The following SLC14A2 variants were observed in gnomAD, a reference collection of about 807,000 sequenced individuals.
The protein encoded by SLC14A2 is urea transporter 2.
In SLC14A2, 91 loss-of-function variants were observed where a neutral mutation model predicts 104.6. The observed-to-expected ratio is 0.87, with a 90% confidence interval of 0.73 to 1.04. The LOEUF is 1.04. SLC14A2 is among the 50% of genes least tolerant of loss of function. SLC14A2 has a pLI of 0.00. For missense variants in SLC14A2, 1,189 were observed against 1,156.0 expected, an observed-to-expected ratio of 1.03 and a Z score of -0.41; for synonymous variants, 476 against 466.4, an observed-to-expected ratio of 1.02 and a Z score of -0.27.
At chr18:45,210,833 A>G (rs142299140), upstream of SLC14A2, among the ~76,000 whole-genome samples, 416 of 152,326 alleles carry the variant, frequency 2.7e-3, 4 homozygotes, top group African/African-American at 9.5e-3. Flanking sequence ...GTGATATAGA[A>G]TATGGAATGT....
intron 1 of SLC14A2, among the ~76,000 whole-genome samples, chr18:45,455,938 T>C (rs2144625480): frequency 6.6e-6 from 1 of 152,258 alleles, no homozygotes; most frequent in African/African-American, 2.4e-5. Flanking sequence ...GTAAGGGGGC[T>C]TTGAGCACAC....
chr18:45,323,458 G>A (rs2085204416), intron 1 of SLC14A2, among the ~76,000 whole-genome samples: 1 of 152,204 alleles, frequency 6.6e-6, no homozygotes, highest in Admixed American at 6.5e-5. Context: ...ACAAAGGGAA[G>A]ACGAAAGAGA....
intron 10 of SLC14A2, among the ~76,000 whole-genome samples, chr18:45,659,390 C>A (rs1345685826): frequency 6.6e-6 from 1 of 152,208 alleles, no homozygotes; most frequent in Non-Finnish European, 1.5e-5. Flanking sequence ...ATAGAATGCC[C>A]AGCCTCACCT....
chr18:45,340,728 A>G (rs1424271177), intron 1 of SLC14A2, among the ~76,000 whole-genome samples: 1 of 152,214 alleles, frequency 6.6e-6, no homozygotes, highest in Non-Finnish European at 1.5e-5. Context: ...GTAACCACAA[A>G]CACTGTGTTT....
At chr18:45,350,407 C>A (rs1019380326) in intron 1 of SLC14A2, among the ~76,000 whole-genome samples, 3 of 152,170 alleles carry the variant, frequency 2.0e-5, no homozygotes, top group African/African-American at 7.2e-5. Context: ...AGGGACAGCA[C>A]GTTCATCACA....
intron 5 of SLC14A2, chr18:45,634,823 A>T (rs1479432880): frequency 4.4e-6 from 2 of 457,304 alleles, no homozygotes; most frequent in South Asian, 1.5e-5. Context: ...TGTTTGCAGG[A>T]TGGAGACGGA....
intron 1 of SLC14A2, among the ~76,000 whole-genome samples, chr18:45,289,730 G>T (rs1335193228): frequency 6.6e-6 from 1 of 152,186 alleles, no homozygotes; most frequent in Admixed American, 6.5e-5. Context: ...GAAAGGAGGT[G>T]GTGTCTGTTC....
intron 11 of SLC14A2, among the ~76,000 whole-genome samples, chr18:45,665,087 ATTTG>A (rs1253004894): frequency 6.6e-6 from 1 of 152,132 alleles, no homozygotes; most frequent in Non-Finnish European, 1.5e-5. Context: ...TTCAAAATGA[ATTTG>A]TTTGTCCTGA....
chr18:45,355,904 G>T (rs1242996660), intron 1 of SLC14A2, among the ~76,000 whole-genome samples: 1 of 152,138 alleles, frequency 6.6e-6, no homozygotes, highest in Non-Finnish European at 1.5e-5. Flanking sequence ...CTCAACCAAG[G>T]TATAAGGCAG....
intron 8 of SLC14A2, among the ~76,000 whole-genome samples, chr18:45,642,308 A>G (rs2045542409): frequency 6.6e-6 from 1 of 152,154 alleles, no homozygotes; most frequent in Non-Finnish European, 1.5e-5. Flanking sequence ...GGGCATGGAG[A>G]CAGTGGACCT....
At chr18:45,649,550 C>T (rs1442733839) in intron 10 of SLC14A2, among the ~76,000 whole-genome samples, 1 of 152,102 alleles carries the variant, frequency 6.6e-6, no homozygotes, top group Non-Finnish European at 1.5e-5. Flanking sequence ...TTACACTTTC[C>T]TCTCTTCTTC....
chr18:45,506,723 T>C (rs2043292556), intron 2 of SLC14A2, among the ~76,000 whole-genome samples: 1 of 152,204 alleles, frequency 6.6e-6, no homozygotes, highest in African/African-American at 2.4e-5. Flanking sequence ...AACACCTTAG[T>C]TGTGGATTTC....
intron 1 of SLC14A2, among the ~76,000 whole-genome samples, chr18:45,449,891 T>C (rs2086830798): frequency 6.6e-6 from 1 of 152,142 alleles, no homozygotes; most frequent in East Asian, 1.9e-4. Flanking sequence ...TCATGTGTGC[T>C]CCAGCCTCAT....
intron 1 of SLC14A2, among the ~76,000 whole-genome samples, chr18:45,316,206 A>C (rs1232120915): frequency 1.3e-5 from 2 of 152,176 alleles, no homozygotes; most frequent in Non-Finnish European, 2.9e-5. Context: ...GCAGCTTCAC[A>C]ATCTCTCAGC....
chr18:45,446,546 T>C (rs2086773237), intron 1 of SLC14A2, among the ~76,000 whole-genome samples: 1 of 152,212 alleles, frequency 6.6e-6, no homozygotes. Flanking sequence ...AGTCATCCAA[T>C]TGATGATATT....
At chr18:45,563,230 G>A (rs1237365060) in intron 2 of SLC14A2, among the ~76,000 whole-genome samples, 1 of 152,136 alleles carries the variant, frequency 6.6e-6, no homozygotes, top group Non-Finnish European at 1.5e-5. Flanking sequence ...GGCTCAGGAT[G>A]GGTGCCTTGT....
chr18:45,258,179 A>C (rs2084500266), intron 1 of SLC14A2, among the ~76,000 whole-genome samples: 1 of 102,828 alleles, frequency 9.7e-6, no homozygotes, highest in African/African-American at 4.7e-5. Flanking sequence ...ACTTTTGGAG[A>C]TGTGATTTGA....
chr18:45,579,800 A>G (rs2852295), intron 2 of SLC14A2, among the ~76,000 whole-genome samples: 49,209 of 152,142 alleles, frequency 0.32, 8,223 homozygotes, highest in South Asian at 0.36. Context: ...TAGAAAACAG[A>G]AAAAGGGGCA....
intron 1 of SLC14A2, among the ~76,000 whole-genome samples, chr18:45,290,004 A>G (rs547287268): frequency 6.6e-6 from 1 of 152,330 alleles, no homozygotes; most frequent in Admixed American, 6.5e-5. Flanking sequence ...TAACTTTGAC[A>G]GACCTTCAAT....
Sources: allele counts gnomAD v4.1 joint callset (sites outside exome capture counted in the v4.1 genomes callset), GRCh38; gene constraint gnomAD v4.1.1; transcripts MANE v1.5; gene names NCBI Gene and HGNC (gene_info 2026-07-23, HGNC 2026-07-21).